FCRL3: variants seen among roughly 807,000 people sequenced by gnomAD.
FCRL3 encodes the protein Fc receptor like 3.
Under a neutral mutation model 75.0 loss-of-function variants are expected in FCRL3, and 89 were observed. The ratio of observed to expected loss-of-function variants is 1.19; its 90% CI spans 1.00 to 1.42. The LOEUF is 1.42. Ranked by LOEUF, FCRL3 falls within the 40% of genes most tolerant of loss-of-function variation. The pLI is 0.00. For missense variants in FCRL3, 946 were observed against 880.0 expected (o/e 1.07, Z -0.95); for synonymous variants, 376 against 348.5 (o/e 1.08, Z -0.88).
intron 7 of FCRL3, 51 bp downstream of exon 7, chr1:157,695,989 C>A (rs370033272): frequency 6.6e-6 from 10 of 1,505,898 alleles, no homozygotes; most frequent in Non-Finnish European, 8.9e-6. Flanking sequence ...TGACAGAGAA[C>A]CTAAACCCTG....
chr1:157,691,571 C>T (rs1655546060), intron 8 of FCRL3, among the ~76,000 whole-genome samples: 1 of 152,154 alleles, frequency 6.6e-6, no homozygotes, highest in Admixed American at 6.5e-5. Context: ...GTGCCAAGTC[C>T]TGATATTGGA....
intron 10 of FCRL3, among the ~76,000 whole-genome samples, chr1:157,684,623 G>A (rs1272563031): frequency 3.9e-5 from 6 of 152,158 alleles, no homozygotes; most frequent in Non-Finnish European, 7.4e-5. Context: ...GAAGACATAT[G>A]GGCCAGCACG....
intron 2 of FCRL3, among the ~76,000 whole-genome samples, chr1:157,700,087 T>C (rs1656218912): frequency 6.6e-6 from 1 of 152,220 alleles, no homozygotes; most frequent in Non-Finnish European, 1.5e-5. Context: ...TAGAAAACAG[T>C]GATGTTTCTC....
Position 157,678,573 on chromosome 1 carries a change from C to A in FCRL3, c.*137G>T. 1 of 1,509,340 alleles carries A rather than the reference C, an allele frequency of 6.6e-7. No individual in the cohort carries two copies. The highest frequency in any genetic ancestry group is 2.5e-4 in the Middle Eastern group (1 of 3,996). The allele number at this position is 1,509,340 out of a possible 1,614,324, so 93.5% of individuals were successfully genotyped here. ...ATCAGGCACAGGGGAGATTTGCAGA[C>A]CTTTTGCTCAGCCTCACATACCCTG... is the stretch of plus-strand genomic sequence containing the variant. On this transcript the variant is annotated 3_prime_UTR_variant, in exon 15 of 15. Coordinates refer to ENST00000368184, the MANE Select transcript of FCRL3 (RefSeq NM_052939.4).
At chr1:157,683,268 TG>T in intron 10 of FCRL3, 24 bp from the exon 11 acceptor site, 1 of 1,613,004 alleles carries the variant, frequency 6.2e-7, no homozygotes, top group Non-Finnish European at 8.5e-7. Flanking sequence ...AAAGGAAGGT[TG>T]GTGGTAAGTG....
intron 11 of FCRL3, among the ~76,000 whole-genome samples, chr1:157,682,312 C>T (rs943637297): frequency 6.6e-5 from 10 of 152,108 alleles, no homozygotes; most frequent in Non-Finnish European, 1.5e-4. Flanking sequence ...ACACGAAGTC[C>T]TTGCCCATGC....
At chr1:157,700,432 T>C (rs768819931) in intron 2 of FCRL3, 27 bp downstream of exon 2, 1 of 1,613,850 alleles carries the variant, frequency 6.2e-7, no homozygotes. Context: ...ACTGAGGCCG[T>C]GGCCCCATTA....
Position 157,695,431 on chromosome 1 carries a change from A to G in FCRL3, c.1309T>C (p.Phe437Leu), listed in dbSNP as rs1243650666. 6.2e-7 allele frequency: 1 copy of G among 1,614,210 alleles called. No individual in the cohort carries two copies. The highest frequency in any genetic ancestry group is 8.5e-7 in the Non-Finnish European group (1 of 1,180,028). The change falls in exon 8 of 15, where the codon TTC becomes CTC. Residue 437 changes from phenylalanine to leucine, a missense_variant. Phe to Leu is a conservative substitution (Grantham distance 22). Coordinates refer to ENST00000368184, the MANE Select transcript of FCRL3 (RefSeq NM_052939.4). ...SSAPSGGGASFNLSLTAEHSG... is the reference protein window; with the variant it reads ...SSAPSGGGASLNLSLTAEHSG... ...TGTTCTGCAGTCAGAGAGAGGTTGA[A>G]GGAGGCTCCTCCTCCAGAGGGGGCT...
intron 14 of FCRL3, 28 bp downstream of exon 14, chr1:157,678,914 G>A: frequency 1.2e-6 from 2 of 1,614,098 alleles, no homozygotes; most frequent in Non-Finnish European, 1.7e-6. Context: ...AGGCCAGAGA[G>A]GAAAGAAAGC....
rs760581874 is a variant in FCRL3, at chr1:157,698,553, T to C, written c.129A>G (p.Ile43Met). The C allele has an allele frequency of 6.2e-7, 1 of 1,614,192 alleles. No homozygotes were observed. The highest frequency in any genetic ancestry group is 8.5e-7 in the Non-Finnish European group (1 of 1,180,004). Residue 43 changes from isoleucine (I) to methionine (M), a missense_variant, in exon 4 of 15, where the codon ATA (isoleucine) becomes ATG (methionine). Ile to Met is a conservative substitution (Grantham distance 10, BLOSUM62 1). Coordinates refer to ENST00000368184, the MANE Select transcript of FCRL3 (RefSeq NM_052939.4). ...CTAGGGAATGTGATATGCTGCTGCATATGAGAGCCACTTTTTCTCCTTTGA... is the reference window on the plus strand; with the variant it reads ...CTAGGGAATGTGATATGCTGCTGCACATGAGAGCCACTTTTTCTCCTTTGA... ...TAFKGEKVAL[I>M]CSSISHSLAQ...
At chr1:157,683,913 C>T (rs1429329753) in intron 10 of FCRL3, among the ~76,000 whole-genome samples, 3 of 152,134 alleles carry the variant, frequency 2.0e-5, no homozygotes, top group Non-Finnish European at 4.4e-5. Flanking sequence ...ATTAAAATTA[C>T]TATATTGTTT....
At chr1:157,694,706 T>C (rs1655773957) in intron 8 of FCRL3, among the ~76,000 whole-genome samples, 1 of 152,040 alleles carries the variant, frequency 6.6e-6, no homozygotes, top group Non-Finnish European at 1.5e-5. Flanking sequence ...GTGCCTCTGC[T>C]GAAGGAAAAT....
chr1:157,696,569 T>C, intron 6 of FCRL3: 2 of 522,730 alleles, frequency 3.8e-6, no homozygotes, highest in Non-Finnish European at 6.8e-6. Flanking sequence ...AAATCCAATG[T>C]TTTCTGGTCA....
Position 157,695,467 on chromosome 1 carries a change from C to T in FCRL3, c.1273G>A (p.Gly425Arg). The T allele has an allele frequency of 6.2e-7, 1 of 1,614,180 alleles. No individual in the cohort carries two copies. The highest frequency in any genetic ancestry group is 8.5e-7 in the Non-Finnish European group (1 of 1,180,026). Residue 425 changes from glycine to arginine, a missense_variant, in exon 8 of 15, where the codon GGG becomes AGG. Coordinates refer to ENST00000368184, the MANE Select transcript of FCRL3 (RefSeq NM_052939.4). ...YRFYHEDVTL[G>R]NSSAPSGGGA... ...CCTCCAGAGGGGGCTGAGCTGTTCC[C>T]CAGGGTGACATCCTCATGATAAAAT...
chr1:157,683,881 C>T lies in FCRL3; in HGVS notation c.1811-637G>A, dbSNP rs546209739. ...CAGGCTGGATTAAGTAAACTGTCTC[C>T]ATGCACATAAGACCATGTAATATTA... On this transcript the variant is annotated intron_variant, in intron 10 of 14. Coordinates refer to ENST00000368184, the MANE Select transcript of FCRL3 (RefSeq NM_052939.4). Among the ~76,000 whole-genome samples, 44 of 152,260 alleles carry T rather than the reference C, an allele frequency of 2.9e-4. 1 individual carries two copies. The South Asian group carries it at 4.6e-3, about 16-fold the overall frequency.
Position 157,696,059 on chromosome 1 carries a change from C to T in FCRL3, c.1113G>A (p.Trp371Ter), listed in dbSNP as rs1443534307. The change falls in exon 7 of 15, where the codon TGG (tryptophan) becomes TGA (stop). Residue 371 changes from tryptophan to a stop codon, truncating the protein, a stop_gained. Coordinates refer to ENST00000368184, the MANE Select transcript of FCRL3 (RefSeq NM_052939.4). LOFTEE classifies it high-confidence loss of function. Reference sequence around the variant, plus strand: ...ACTTACTTCTCACGGTGACTCGAATCCACGTGCTGAGGATGGGGCTGTGAA... The same window carrying T: ...ACTTACTTCTCACGGTGACTCGAATTCACGTGCTGAGGATGGGGCTGTGAA... The part of the protein sequence containing the change: ...DNVHSPILST[W>*]IRVTVRIPVS... The T allele has an allele frequency of 6.2e-7, 1 of 1,610,738 alleles. No homozygotes were observed. Among genetic ancestry groups the T allele is most frequent in the East Asian group, 2.2e-5 (1 of 44,762 alleles).
At chr1:157,700,361 T>C (rs367888962) in intron 2 of FCRL3, 98 bp downstream of exon 2, 26 of 1,582,876 alleles carry the variant, frequency 1.6e-5, no homozygotes, top group African/African-American at 1.1e-4. Flanking sequence ...TATCTGTCTC[T>C]GAACCCCAAG....
In FCRL3 at chr1:157,690,299, C is replaced by T; in HGVS notation, c.1646G>A (p.Gly549Asp). The change falls in exon 9 of 15, where the codon GGC (glycine) becomes GAC (aspartate). Residue 549 changes from glycine to aspartate, a missense_variant. Transcript: ENST00000368184. ...SGNYSCEADN[G>D]LGAQHSKVVT... is the part of the protein sequence containing the mutation. ...CACTTTACTGTGCTGGGCCCCCAGGCCATTGTCAGCCTCACATGAGTAGTT... is the reference window on the plus strand; with the variant it reads ...CACTTTACTGTGCTGGGCCCCCAGGTCATTGTCAGCCTCACATGAGTAGTT... The T allele has an allele frequency of 6.2e-7, 1 of 1,614,216 alleles. No homozygotes were observed. The highest frequency in any genetic ancestry group is 8.5e-7 in the Non-Finnish European group (1 of 1,180,046).
At chr1:157,690,017 CT>C in intron 9 of FCRL3, 100 bp from the exon 10 acceptor site, 3 of 1,524,256 alleles carry the variant, frequency 2.0e-6, no homozygotes, top group Non-Finnish European at 2.7e-6. Flanking sequence ...CTGATTCCTC[CT>C]GTAGCATCAT....
Sources: gnomAD v4.1 joint callset for allele counts (sites outside exome capture counted in the v4.1 genomes callset) on GRCh38, gnomAD v4.1.1 for gene constraint, MANE v1.5 for transcripts, NCBI Gene and HGNC (gene_info 2026-07-23, HGNC 2026-07-21) for gene names.